Variants in TIMM9 observed in about 807,000 individuals in gnomAD.
The protein encoded by TIMM9 is mitochondrial import inner membrane translocase subunit Tim9.
Under a neutral mutation model 13.4 loss-of-function variants are expected in TIMM9, and 10 were observed. That is an observed-to-expected ratio of 0.75 (90% CI 0.46 to 1.26). The LOEUF (loss-of-function observed/expected upper bound fraction) is 1.26. Among genes scored for constraint, TIMM9 ranks in the 50% most tolerant of loss-of-function variants. The pLI, the probability that TIMM9 is intolerant of heterozygous loss-of-function variation, is 0.00. For missense variants in TIMM9, 87 were observed against 100.8 expected (o/e 0.86, Z 0.58); for synonymous variants, 32 against 32.1 (o/e 1.00, Z 0.01).
At chr14:58,415,697 C>T (rs978955865) in intron 3 of TIMM9, among the ~76,000 whole-genome samples, 1 of 151,968 alleles carries the variant, frequency 6.6e-6, no homozygotes, top group Non-Finnish European at 1.5e-5. Context: ...TAACAGAGTA[C>T]AAAGGACTTG....
Position 58,414,736 on chromosome 14 carries a change from C to A in TIMM9, c.-26-2765G>T, listed in dbSNP as rs77759000. On this transcript the variant is annotated intron_variant, in intron 3 of 5. Transcript: ENST00000395159. ...TGCACCGCATAGTGAGACGCCATCTCAAAAAAAAAAAAAAAGAAAAAAAAG... is the reference window on the plus strand; with the variant it reads ...TGCACCGCATAGTGAGACGCCATCTAAAAAAAAAAAAAAAAGAAAAAAAAG... 3.1e-3 allele frequency among the ~76,000 whole-genome samples: 369 copies of A among 117,454 alleles called. 1 individual carries two copies. Among genetic ancestry groups the A allele is most frequent in the South Asian group, 4.4e-3 (15 of 3,374 alleles). The allele number at this position is 117,454 out of a possible 152,430, so 77.1% of individuals were successfully genotyped here.
chr14:58,427,345 C>G, intron 1 of TIMM9, 47 bp downstream of exon 1: 1 of 404,560 alleles, frequency 2.5e-6, no homozygotes. Flanking sequence ...GACTTCCTCT[C>G]CAATAATGAC....
At chr14:58,411,219 G>A (rs138387047) in intron 4 of TIMM9, among the ~76,000 whole-genome samples, 8 of 152,122 alleles carry the variant, frequency 5.3e-5, no homozygotes, top group African/African-American at 1.9e-4. Context: ...AGGCCGAGGT[G>A]GGCGGATTAC....
At chr14:58,423,670 A>T (rs1442310486) in intron 3 of TIMM9, among the ~76,000 whole-genome samples, 1 of 152,130 alleles carries the variant, frequency 6.6e-6, no homozygotes, top group East Asian at 1.9e-4. Flanking sequence ...CTTCGCAGTT[A>T]TTTAATAGTA....
chr14:58,411,026 C>A (rs962371775), intron 4 of TIMM9, 88 bp from the exon 5 acceptor site: 10 of 849,200 alleles, frequency 1.2e-5, no homozygotes, highest in Non-Finnish European at 1.5e-5. Context: ...TATATTTAGA[C>A]AAAATATACT....
At chr14:58,416,166 T>A (rs2036403293) in intron 3 of TIMM9, among the ~76,000 whole-genome samples, 1 of 151,978 alleles carries the variant, frequency 6.6e-6, no homozygotes, top group Admixed American at 6.6e-5. Flanking sequence ...AGGCAGAGGT[T>A]GCAGTGAGCC....
intron 2 of TIMM9, among the ~76,000 whole-genome samples, chr14:58,426,737 A>C (rs2036839759): frequency 6.6e-6 from 1 of 152,194 alleles, no homozygotes; most frequent in South Asian, 2.1e-4. Flanking sequence ...CATTTAAAGG[A>C]GGATCTTCCC....
chr14:58,423,559 G>A (rs2036652879), intron 3 of TIMM9, among the ~76,000 whole-genome samples: 1 of 142,588 alleles, frequency 7.0e-6, no homozygotes, highest in South Asian at 2.3e-4. Flanking sequence ...ATACATAATT[G>A]TAGGCAACTG....
chr14:58,415,862 AC>A (rs1196990277), intron 3 of TIMM9, among the ~76,000 whole-genome samples: 1 of 152,094 alleles, frequency 6.6e-6, no homozygotes, highest in African/African-American at 2.4e-5. Context: ...AGCTGAACAA[AC>A]CCCAAACAGC....
intron 5 of TIMM9, among the ~76,000 whole-genome samples, chr14:58,410,403 G>C (rs1260626972): frequency 2.6e-5 from 4 of 151,072 alleles, no homozygotes; most frequent in Non-Finnish European, 5.9e-5. Context: ...GGGTAACAGA[G>C]CGAGACCCTG....
intron 3 of TIMM9, among the ~76,000 whole-genome samples, chr14:58,416,281 T>C (rs1219398985): frequency 1.3e-5 from 2 of 151,968 alleles, no homozygotes; most frequent in African/African-American, 4.8e-5. Context: ...CAAAAAGCCA[T>C]TGAAAGCAGC....
chr14:58,420,561 G>A (rs1228979532), intron 3 of TIMM9, among the ~76,000 whole-genome samples: 1 of 152,150 alleles, frequency 6.6e-6, no homozygotes, highest in Admixed American at 6.5e-5. Flanking sequence ...CGGAGGCTGA[G>A]GCGGGCAGAT....
chr14:58,412,586 G>A (rs906619042), intron 3 of TIMM9, among the ~76,000 whole-genome samples: 1 of 152,018 alleles, frequency 6.6e-6, no homozygotes, highest in Non-Finnish European at 1.5e-5. Context: ...AACCAAGATG[G>A]TGAAGTTTGG....
At chr14:58,417,992 T>C (rs1250702813) in intron 3 of TIMM9, among the ~76,000 whole-genome samples, 1 of 152,082 alleles carries the variant, frequency 6.6e-6, no homozygotes, top group Non-Finnish European at 1.5e-5. Context: ...AGTATTATCC[T>C]GATATTAAAA....
chr14:58,415,635 G>C (rs767054632), intron 3 of TIMM9, among the ~76,000 whole-genome samples: 6 of 152,156 alleles, frequency 3.9e-5, no homozygotes, highest in Non-Finnish European at 7.4e-5. Context: ...TTGGAAGCCA[G>C]AAAATAGAAT....
chr14:58,414,836 C>G (rs2140322927), intron 3 of TIMM9, among the ~76,000 whole-genome samples: 1 of 152,202 alleles, frequency 6.6e-6, no homozygotes, highest in East Asian at 1.9e-4. Flanking sequence ...AAAGCCTCCC[C>G]ACTCCCCAGC....
At position 58,411,195 on chromosome 14, in the gene TIMM9, C is replaced by A. The variant is rs150085592; in HGVS notation, c.40-257G>T. Among the ~76,000 whole-genome samples the A allele has an allele frequency of 9.7e-3, 1,476 of 152,172 alleles. 31 individuals are homozygous for A. Among genetic ancestry groups the A allele is most frequent in the African/African-American group, 0.033 (1,378 of 41,520 alleles). On this transcript the variant is annotated intron_variant, in intron 4 of 5. Transcript: ENST00000395159. ...GGGTGCGGTAGCTCATGCCTGTAATCCCAGCACTTTGGGAGGCCGAGGTGG... is the reference window on the plus strand; with the variant it reads ...GGGTGCGGTAGCTCATGCCTGTAATACCAGCACTTTGGGAGGCCGAGGTGG...
At chr14:58,419,580 A>G (rs1020698886) in intron 3 of TIMM9, among the ~76,000 whole-genome samples, 18 of 151,740 alleles carry the variant, frequency 1.2e-4, no homozygotes, top group African/African-American at 4.4e-4. Context: ...TGTGAGAACT[A>G]AGTTTCTCAC....
chr14:58,423,605 A>C (rs2036654528), intron 3 of TIMM9, among the ~76,000 whole-genome samples: 1 of 151,904 alleles, frequency 6.6e-6, no homozygotes, highest in South Asian at 2.1e-4. Flanking sequence ...TGAGTAAATC[A>C]ATGATTTTCA....
Sources: allele counts gnomAD v4.1 joint callset (sites outside exome capture counted in the v4.1 genomes callset), GRCh38; gene constraint gnomAD v4.1.1; transcripts MANE v1.5; gene names NCBI Gene and HGNC (gene_info 2026-07-23, HGNC 2026-07-21).